Variants in CAPN8 observed in about 807,000 individuals in gnomAD.
CAPN8 encodes the protein calpain-8.
A neutral mutation model predicts 80.9 loss-of-function variants in CAPN8; 87 were observed. The observed-to-expected ratio is 1.07, with a 90% CI of 0.90 to 1.28. The LOEUF (loss-of-function observed/expected upper bound fraction) is 1.28. CAPN8 is among the 50% of genes most tolerant of loss of function. The pLI, the probability that CAPN8 is intolerant of heterozygous loss-of-function variation, is 0.00. For missense variants in CAPN8, 757 were observed against 702.0 expected (o/e 1.08, Z -0.89); for synonymous variants, 299 against 273.8 (o/e 1.09, Z -0.91).
At position 223,610,774 on chromosome 1, in the gene CAPN8, G is replaced by A. The variant is rs770760005; in HGVS notation, c.1324-1410C>T. ...CACAAGGTCCCTGGCCCCCACATCT[G>A]CCCTTGACATAGCTCAGCTCAAAGT... On this transcript the variant is annotated intron_variant, in intron 11 of 20. Coordinates refer to ENST00000366872, the MANE Select transcript of CAPN8 (RefSeq NM_001143962.2). 7.2e-5 allele frequency among the ~76,000 whole-genome samples: 11 copies of A among 152,246 alleles called. No homozygotes were observed. In the South Asian group the frequency reaches 1.2e-3, roughly 17 times the overall value.
intron 6 of CAPN8, among the ~76,000 whole-genome samples, chr1:223,624,261 A>G (rs1657497439): frequency 6.6e-6 from 1 of 152,208 alleles, no homozygotes; most frequent in Non-Finnish European, 1.5e-5. Context: ...TAAATAAATA[A>G]CAAGAGGTGG....
At chr1:223,546,497 A>G (rs532047595) in intron 16 of CAPN8, among the ~76,000 whole-genome samples, 1 of 152,324 alleles carries the variant, frequency 6.6e-6, no homozygotes, top group African/African-American at 2.4e-5. Flanking sequence ...TCTTGGATCT[A>G]TAATCCGCAC....
At position 223,661,165 on chromosome 1, in the gene CAPN8, T is replaced by TAA. The variant is rs60908710; in HGVS notation, c.237+4243_237+4244dup. On this transcript the variant is annotated intron_variant, in intron 1 of 20. Coordinates refer to ENST00000366872, the MANE Select transcript of CAPN8 (RefSeq NM_001143962.2). ...TAGGCAACAGAGTGAGACCCTGTCT[T>TAA]AAAAAAAAAAAAAAAAAGGCAAAGA... 5.4e-3 allele frequency among the ~76,000 whole-genome samples: 733 copies of TAA among 136,110 alleles called. 2 individuals carry two copies. Among genetic ancestry groups the TAA allele is most frequent in the African/African-American group, 0.013 (478 of 36,634 alleles). 89.3% of individuals were successfully genotyped at this position (136,110 alleles called of 152,430 possible). A position where few individuals can be genotyped will look rare whatever the true frequency, so the allele number is the denominator to read the frequency against.
At chr1:223,642,836 G>A in intron 2 of CAPN8, 1 of 456,260 alleles carries the variant, frequency 2.2e-6, no homozygotes, top group Non-Finnish European at 4.4e-6. Context: ...TCTCGTTTCT[G>A]TGATTGTGGA....
At chr1:223,613,107 C>A (rs527993075) in intron 10 of CAPN8, among the ~76,000 whole-genome samples, 2 of 152,304 alleles carry the variant, frequency 1.3e-5, no homozygotes, top group South Asian at 4.1e-4. Context: ...TTGTCCCTTT[C>A]CATTCTTTGT....
At chr1:223,632,742 AC>A (rs1657808140) in intron 2 of CAPN8, among the ~76,000 whole-genome samples, 1 of 152,242 alleles carries the variant, frequency 6.6e-6, no homozygotes, top group Non-Finnish European at 1.5e-5. Flanking sequence ...AATAAGGCAG[AC>A]AAAAACACTG....
In CAPN8 at chr1:223,634,044, C is replaced by T. The variant is rs982271427; in HGVS notation, c.308-5264G>A. On this transcript the variant is annotated intron_variant, in intron 2 of 20. Transcript: ENST00000366872. ...AAGCCAAAGCAGGGAACATGTATGC[C>T]CTGCTGCCCATTCAGGAATCCAGAA... 3.9e-5 allele frequency among the ~76,000 whole-genome samples: 6 copies of T among 152,150 alleles called. No individual in the cohort carries two copies. The East Asian group carries it at 5.8e-4, about 15-fold the overall frequency.
chr1:223,662,754 C>T (rs1050589229), intron 1 of CAPN8, among the ~76,000 whole-genome samples: 1 of 152,196 alleles, frequency 6.6e-6, no homozygotes, highest in Admixed American at 6.5e-5. Flanking sequence ...ATACCCTGAT[C>T]TCTTTGCAAA....
At chr1:223,649,572 T>A (rs1349884952) in intron 2 of CAPN8, among the ~76,000 whole-genome samples, 1 of 152,208 alleles carries the variant, frequency 6.6e-6, no homozygotes, top group African/African-American at 2.4e-5. Context: ...GCAGACAAGC[T>A]GGTTTGCATG....
intron 19 of CAPN8, among the ~76,000 whole-genome samples, 175 bp from the exon 20 acceptor site, chr1:223,543,341 C>T (rs1656525334): frequency 6.7e-6 from 1 of 148,968 alleles, no homozygotes; most frequent in Non-Finnish European, 1.5e-5. Flanking sequence ...AGATCCAGGG[C>T]ACACAATGAG....
chr1:223,623,515 A>G (rs556721498), intron 6 of CAPN8, among the ~76,000 whole-genome samples: 2 of 152,248 alleles, frequency 1.3e-5, no homozygotes, highest in East Asian at 3.9e-4. Flanking sequence ...GCTTTCCCCT[A>G]TTTATTGAAC....
rs1368611006 is a variant in CAPN8, at chr1:223,615,819, A to T, written c.1311+151T>A. The T allele has an allele frequency of 4.4e-6, 4 of 903,692 alleles. No individual in the cohort carries two copies. In the African/African-American group the frequency reaches 4.9e-5, roughly 11 times the overall value. 56.0% of individuals were successfully genotyped at this position (903,692 alleles called of 1,614,324 possible). On this transcript the variant is annotated intron_variant, in intron 10 of 20. Coordinates refer to ENST00000366872, the MANE Select transcript of CAPN8 (RefSeq NM_001143962.2). ...CTAAATGTGGAATTCAGGCCTCAGT[A>T]AGGCCACTGGGAGAGGTATATAGAG...
intron 14 of CAPN8, 124 bp from the exon 15 acceptor site, chr1:223,551,141 T>C: frequency 1.7e-6 from 1 of 600,904 alleles, no homozygotes; most frequent in Non-Finnish European, 3.0e-6. Flanking sequence ...GGTTTATTTG[T>C]TTTTGTTTTT....
At chr1:223,619,859 C>T (rs1379441512) in intron 8 of CAPN8, among the ~76,000 whole-genome samples, 1 of 152,188 alleles carries the variant, frequency 6.6e-6, no homozygotes, top group Non-Finnish European at 1.5e-5. Context: ...TCTTCCTTAG[C>T]TCACTAGCAA....
chr1:223,647,908 G>A (rs1273046885), intron 2 of CAPN8, among the ~76,000 whole-genome samples: 2 of 152,158 alleles, frequency 1.3e-5, no homozygotes, highest in Non-Finnish European at 2.9e-5. Flanking sequence ...GATATTTGTA[G>A]CAACTGTCAT....
intron 13 of CAPN8, among the ~76,000 whole-genome samples, chr1:223,554,847 T>C (rs1221948642): frequency 6.6e-6 from 1 of 152,214 alleles, no homozygotes; most frequent in African/African-American, 2.4e-5. Flanking sequence ...TCAAAGTCCT[T>C]TGGAAATTAC....
chr1:223,554,614 T>G (rs1656865448), intron 13 of CAPN8, among the ~76,000 whole-genome samples: 1 of 152,120 alleles, frequency 6.6e-6, no homozygotes, highest in African/African-American at 2.4e-5. Context: ...TTCTTAGCTT[T>G]CATCAGATTC....
At chr1:223,621,934 G>A (rs1448755549) in intron 7 of CAPN8, among the ~76,000 whole-genome samples, 2 of 151,806 alleles carry the variant, frequency 1.3e-5, no homozygotes, top group African/African-American at 2.4e-5. Context: ...TCGGCTCACT[G>A]CAACCTCCAA....
intron 2 of CAPN8, among the ~76,000 whole-genome samples, chr1:223,640,075 T>C (rs1005964728): frequency 6.6e-6 from 1 of 152,074 alleles, no homozygotes; most frequent in Admixed American, 6.6e-5. Context: ...CCCCTTTTCA[T>C]CCTCACTTTC....
Sources: allele counts gnomAD v4.1 joint callset (sites outside exome capture counted in the v4.1 genomes callset), GRCh38; gene constraint gnomAD v4.1.1; transcripts MANE v1.5; gene names NCBI Gene and HGNC (gene_info 2026-07-23, HGNC 2026-07-21).